The following LYPLA1 variants were observed in gnomAD, a reference collection of about 807,000 sequenced individuals.
LYPLA1 encodes the protein lysophospholipase 1, also known as acyl-protein thioesterase 1.
LYPLA1 carries 17 observed loss-of-function variants against 34.0 expected under a neutral mutation model. The observed-to-expected ratio is 0.50, with a 90% confidence interval of 0.34 to 0.75. LYPLA1 has a LOEUF of 0.75. Among genes scored for constraint, LYPLA1 ranks in the 30% least tolerant of loss-of-function variants. LYPLA1 has a pLI of 0.01. For synonymous variants in LYPLA1, 98 were observed against 100.8 expected (o/e 0.97, Z 0.17); for missense variants, 203 against 288.8 (o/e 0.70, Z 2.15).
chr8:54,055,304 G>A (rs563659451), intron 5 of LYPLA1, among the ~76,000 whole-genome samples, 171 bp from the exon 6 acceptor site: 1 of 152,176 alleles, frequency 6.6e-6, no homozygotes, highest in Admixed American at 6.5e-5. Context: ...ATTTTCATAT[G>A]CCAACGGAGA....
intron 2 of LYPLA1, among the ~76,000 whole-genome samples, chr8:54,067,386 C>T (rs62515827): frequency 0.026 from 3,885 of 152,070 alleles, 81 homozygotes; most frequent in Non-Finnish European, 0.043. Context: ...TTTCTTCATG[C>T]GTACATGTTC....
At chr8:54,084,652 A>C (rs987402478) in intron 2 of LYPLA1, among the ~76,000 whole-genome samples, 2 of 152,208 alleles carry the variant, frequency 1.3e-5, no homozygotes, top group South Asian at 2.1e-4. Context: ...CTTTAGCTAG[A>C]TCAACCAAAG....
Position 54,096,774 on chromosome 8 carries a change from C to T in LYPLA1, c.101+4134G>A, listed in dbSNP as rs142625333. Among the ~76,000 whole-genome samples, 1,159 of 150,332 alleles carry T rather than the reference C, an allele frequency of 7.7e-3. 17 individuals are homozygous for T. The highest frequency in any genetic ancestry group is 0.026 in the African/African-American group (1,068 of 40,910). On this transcript the variant is annotated intron_variant, in intron 2 of 8. Coordinates refer to ENST00000316963, the MANE Select transcript of LYPLA1 (RefSeq NM_006330.4). ...AAAAAAAAAAATTAGCCGGGTGTGGCGGCACGCACCTATAGTCCCAGCTAC... is the reference window on the plus strand; with the variant it reads ...AAAAAAAAAAATTAGCCGGGTGTGGTGGCACGCACCTATAGTCCCAGCTAC...
At chr8:54,065,990 A>G (rs1467573977) in intron 2 of LYPLA1, among the ~76,000 whole-genome samples, 177 bp from the exon 3 acceptor site, 1 of 152,052 alleles carries the variant, frequency 6.6e-6, no homozygotes, top group Non-Finnish European at 1.5e-5. Flanking sequence ...AGGCTGGAGT[A>G]CAGTGGCGCG....
chr8:54,059,578 A>G (rs1806452530), intron 5 of LYPLA1, among the ~76,000 whole-genome samples: 1 of 73,332 alleles, frequency 1.4e-5, no homozygotes, highest in Admixed American at 1.6e-4. Flanking sequence ...TGCTGGGATT[A>G]CAGGCGTGAG....
At chr8:54,072,622 T>TA (rs35445815) in intron 2 of LYPLA1, among the ~76,000 whole-genome samples, 3,429 of 144,402 alleles carry the variant, frequency 0.024, 59 homozygotes, top group African/African-American at 0.035. Context: ...ACTTTACTGT[T>TA]AAAAAAAAAA....
intron 8 of LYPLA1, 87 bp from the exon 9 acceptor site, chr8:54,048,205 G>A: frequency 6.4e-6 from 5 of 786,212 alleles, no homozygotes; most frequent in South Asian, 3.0e-5. Flanking sequence ...TCAAATCTAT[G>A]GTATGCATAA....
rs371316608 is a variant in LYPLA1, at chr8:54,051,022, G to A, written c.629C>T (p.Ser210Leu). Residue 210 changes from serine to leucine, a missense_variant, in exon 8 of 9, where the codon TCG (serine) becomes TTG (leucine). Around this residue, in one of 3 missense-constraint regions of LYPLA1, gnomAD observed 123 missense variants for 199.2 expected, o/e 0.62. Transcript: ENST00000316963. The part of the protein sequence containing the change: ...FKTYEGMMHS[S>L]CQQEMMDVKQ... Reference sequence around the variant, plus strand: ...CTTCTAGACACCTACCTGTTGACACGAACTGTGCATCATACCTTCATAGGT... The same window carrying A: ...CTTCTAGACACCTACCTGTTGACACAAACTGTGCATCATACCTTCATAGGT... The A allele has an allele frequency of 6.2e-6, 10 of 1,607,412 alleles. No homozygotes were observed. In the South Asian group the frequency reaches 6.6e-5, roughly 11 times the overall value.
chr8:54,080,657 G>A (rs1351312410), intron 2 of LYPLA1, among the ~76,000 whole-genome samples: 2 of 152,092 alleles, frequency 1.3e-5, no homozygotes, highest in African/African-American at 2.4e-5. Context: ...GGGTGATCTC[G>A]GTTCACTGCA....
At chr8:54,098,635 C>T (rs1199497677) in intron 2 of LYPLA1, among the ~76,000 whole-genome samples, 1 of 151,576 alleles carries the variant, frequency 6.6e-6, no homozygotes, top group Non-Finnish European at 1.5e-5. Context: ...GAGCCGAGAT[C>T]GTGCCACTGC....
At chr8:54,085,530 G>A (rs1264836342) in intron 2 of LYPLA1, among the ~76,000 whole-genome samples, 1 of 151,904 alleles carries the variant, frequency 6.6e-6, no homozygotes, top group Non-Finnish European at 1.5e-5. Flanking sequence ...TCTAGGAAGT[G>A]AGGAGCGTCT....
At chr8:54,051,491 A>T (rs1805841160) in intron 7 of LYPLA1, among the ~76,000 whole-genome samples, 1 of 152,214 alleles carries the variant, frequency 6.6e-6, no homozygotes, top group Non-Finnish European at 1.5e-5. Flanking sequence ...TCTGTTGCCC[A>T]GGCTGGAGTG....
chr8:54,086,438 TAAAA>T (rs768755796), intron 2 of LYPLA1, among the ~76,000 whole-genome samples: 1,417 of 34,670 alleles, frequency 0.041, 34 homozygotes, highest in African/African-American at 0.14. Context: ...CTAAAAAAAT[TAAAA>T]AAAAAAAAAA....
intron 2 of LYPLA1, among the ~76,000 whole-genome samples, chr8:54,072,001 A>G (rs1444020685): frequency 1.3e-5 from 2 of 152,164 alleles, no homozygotes; most frequent in Non-Finnish European, 2.9e-5. Context: ...CAGGGGTACA[A>G]TAACCAAAAC....
At chr8:54,082,582 G>C (rs1808400597) in intron 2 of LYPLA1, among the ~76,000 whole-genome samples, 1 of 152,098 alleles carries the variant, frequency 6.6e-6, no homozygotes, top group Non-Finnish European at 1.5e-5. Context: ...GCTTTCCAAA[G>C]TGTTTGAATT....
At chr8:54,081,065 G>C (rs1008046984) in intron 2 of LYPLA1, among the ~76,000 whole-genome samples, 3 of 152,144 alleles carry the variant, frequency 2.0e-5, no homozygotes, top group Non-Finnish European at 4.4e-5. Flanking sequence ...AAGTACAACA[G>C]CTTTAAGGTA....
intron 2 of LYPLA1, among the ~76,000 whole-genome samples, chr8:54,072,267 C>G (rs1433560543): frequency 1.3e-5 from 2 of 152,020 alleles, no homozygotes; most frequent in Non-Finnish European, 2.9e-5. Flanking sequence ...AATGTAAAAC[C>G]CCTAACTATA....
chr8:54,053,019 C>A, intron 6 of LYPLA1: 1 of 372,494 alleles, frequency 2.7e-6, no homozygotes, highest in Non-Finnish European at 4.8e-6. Context: ...ACATGCCTTA[C>A]GAATATTCTG....
chr8:54,073,142 T>G, intron 2 of LYPLA1: 2 of 730,504 alleles, frequency 2.7e-6, no homozygotes, highest in Non-Finnish European at 5.1e-6. Flanking sequence ...GACCTGGCCT[T>G]CAGAGATGAC....
Sources: allele counts gnomAD v4.1 joint callset (sites outside exome capture counted in the v4.1 genomes callset), GRCh38; gene constraint gnomAD v4.1.1; regional missense constraint gnomAD v4.1.1; transcripts MANE v1.5; gene names NCBI Gene and HGNC (gene_info 2026-07-23, HGNC 2026-07-21).